Variants in BTBD10 observed in about 807,000 individuals in gnomAD.
BTBD10 encodes BTB/POZ domain-containing protein 10.
A neutral mutation model predicts 53.2 loss-of-function variants in BTBD10; 21 were observed. The observed-to-expected ratio is 0.39, with a 90% CI of 0.28 to 0.57. The LOEUF is 0.57. Ranked by LOEUF, BTBD10 falls within the 20% of genes least tolerant of loss-of-function variation. The probability of loss-of-function intolerance (pLI) is 0.53; values close to 1 mark genes in which losing one functional copy is unlikely to be tolerated. For missense variants in BTBD10, 360 were observed against 594.7 expected (o/e 0.61, Z 4.10); for synonymous variants, 149 against 192.7 (o/e 0.77, Z 1.88).
chr11:13,419,556 A>T lies in BTBD10; in HGVS notation c.488T>A (p.Ile163Lys), dbSNP rs200018848. 13 of 1,614,114 alleles carry T rather than the reference A, an allele frequency of 8.1e-6. No individual in the cohort carries two copies. The highest frequency in any genetic ancestry group is 2.2e-5 in the East Asian group (1 of 44,876). ...YENAKEGARN[I>K]RTSERVTLIV... ...TAGTGTCACTCGTTCTGACGTTCTT[A>T]TATTCCGAGCTCCTTCTTTTGCATT... Residue 163 changes from isoleucine to lysine, a missense_variant, in exon 4 of 9, where the codon ATA (isoleucine) becomes AAA (lysine). Physicochemically the swap from Ile to Lys is moderately radical, Grantham distance 102. Around this residue, in one of 6 missense-constraint regions of BTBD10, gnomAD observed 109 missense variants for 118.6 expected, o/e 0.92. Coordinates refer to ENST00000278174, the MANE Select transcript of BTBD10 (RefSeq NM_032320.7).
At chr11:13,453,332 C>T (rs1281219688) in intron 1 of BTBD10, among the ~76,000 whole-genome samples, 1 of 152,046 alleles carries the variant, frequency 6.6e-6, no homozygotes, top group African/African-American at 2.4e-5. Context: ...CACACACACT[C>T]ATCCATGCTT....
rs78079260 is a variant in BTBD10 at position 13,439,686 on chromosome 11, G to A, written c.101+5338C>T. On this transcript the variant is annotated intron_variant, in intron 2 of 8. Transcript: ENST00000278174. ...ATAAAACACAAAGCATCAAACCCAC[G>A]AAAACAATAAAAACATATTTCATTT... Among the ~76,000 whole-genome samples the A allele has an allele frequency of 5.3e-3, 801 of 151,974 alleles. 27 individuals are homozygous for A. The East Asian group carries it at 0.081, about 15-fold the overall frequency.
At chr11:13,430,071 T>C (rs1449191422) in intron 2 of BTBD10, among the ~76,000 whole-genome samples, 1 of 152,158 alleles carries the variant, frequency 6.6e-6, no homozygotes, top group East Asian at 1.9e-4. Context: ...ATCATGCTAC[T>C]GCACTCTAGC....
At chr11:13,390,922 T>G (rs538954580) in intron 8 of BTBD10, among the ~76,000 whole-genome samples, 1 of 152,326 alleles carries the variant, frequency 6.6e-6, no homozygotes, top group East Asian at 1.9e-4. Flanking sequence ...TTTCATACTT[T>G]TGGTCAATTA....
In BTBD10 at chr11:13,418,184, C is replaced by CAA. The variant is rs58520382; in HGVS notation, c.585-926_585-925dup. 3.4e-4 allele frequency among the ~76,000 whole-genome samples: 51 copies of CAA among 150,344 alleles called. No individual in the cohort carries two copies. In the South Asian group the frequency reaches 4.4e-3, roughly 13 times the overall value. ...ACAAAGCTTTTTCTTTCAAAGTTTC[C>CAA]AAAAAAAAATGCCAGCTGCTTTTTA... On this transcript the variant is annotated intron_variant, in intron 4 of 8. Transcript: ENST00000278174.
intron 1 of BTBD10, 168 bp downstream of exon 1, chr11:13,462,924 C>T (rs1173722523): frequency 6.6e-6 from 1 of 152,410 alleles, no homozygotes. Flanking sequence ...GTGGCCGGAG[C>T]CCAAAACGCC....
At chr11:13,406,038 TCC>T (rs969797843) in intron 6 of BTBD10, among the ~76,000 whole-genome samples, 182 bp from the exon 7 acceptor site, 2 of 152,126 alleles carry the variant, frequency 1.3e-5, no homozygotes, top group African/African-American at 2.4e-5. Context: ...TAAAACCCTA[TCC>T]CTAGCCTAGC....
At chr11:13,394,588 C>A (rs1361252719) in intron 8 of BTBD10, among the ~76,000 whole-genome samples, 2 of 152,094 alleles carry the variant, frequency 1.3e-5, no homozygotes, top group South Asian at 2.1e-4. Context: ...GGTACACGTG[C>A]ACAACGTGCA....
intron 2 of BTBD10, among the ~76,000 whole-genome samples, chr11:13,442,029 A>G (rs1950662350): frequency 6.6e-6 from 1 of 152,132 alleles, no homozygotes; most frequent in South Asian, 2.1e-4. Flanking sequence ...CTGGAACTAC[A>G]ATATCCACCT....
chr11:13,454,310 T>G (rs1950921139), intron 1 of BTBD10, among the ~76,000 whole-genome samples: 1 of 152,166 alleles, frequency 6.6e-6, no homozygotes, highest in South Asian at 2.1e-4. Flanking sequence ...CATATCAAGA[T>G]AGTGGGGATA....
chr11:13,395,892 G>A (rs555259530), intron 8 of BTBD10, among the ~76,000 whole-genome samples: 2 of 152,082 alleles, frequency 1.3e-5, no homozygotes, highest in Admixed American at 6.6e-5. Flanking sequence ...TGTTCCATTG[G>A]TCTGTATCTC....
intron 2 of BTBD10, among the ~76,000 whole-genome samples, chr11:13,426,164 A>G (rs1316050101): frequency 6.6e-6 from 1 of 152,182 alleles, no homozygotes; most frequent in African/African-American, 2.4e-5. Context: ...AATATGCACA[A>G]CAAACTCTAC....
chr11:13,436,714 A>C lies in BTBD10; in HGVS notation c.101+8310T>G, dbSNP rs1003621145. ...ATGTCTAATTACTTTTCAAAGGAAA[A>C]GTCTTAAAATATCTGAAGATAGCTC... On this transcript the variant is annotated intron_variant, in intron 2 of 8. Coordinates refer to ENST00000278174, the MANE Select transcript of BTBD10 (RefSeq NM_032320.7). Among the ~76,000 whole-genome samples the C allele has an allele frequency of 3.9e-5, 6 of 152,220 alleles. No individual in the cohort carries two copies. The East Asian group carries it at 7.7e-4, about 20-fold the overall frequency.
chr11:13,398,593 A>G (rs1949623771), intron 8 of BTBD10, among the ~76,000 whole-genome samples: 1 of 152,190 alleles, frequency 6.6e-6, no homozygotes, highest in Non-Finnish European at 1.5e-5. Context: ...TTATGATGTT[A>G]GCTGGTTATT....
At position 13,388,802 on chromosome 11, in the gene BTBD10, G is replaced by C; in HGVS notation, c.*29C>G. The C allele has an allele frequency of 6.3e-7, 1 of 1,587,428 alleles. No homozygotes were observed. Among genetic ancestry groups the C allele is most frequent in the Non-Finnish European group, 8.6e-7 (1 of 1,164,796 alleles). On this transcript the variant is annotated 3_prime_UTR_variant, in exon 9 of 9. Coordinates refer to ENST00000278174, the MANE Select transcript of BTBD10 (RefSeq NM_032320.7). ...GAGTACAACGTCACTGTGAAGAGTA[G>C]CATGCTATGGTTTCAAGGAAGATCA...
Position 13,421,700 on chromosome 11 carries a change from C to G in BTBD10, c.240G>C (p.Glu80Asp), listed in dbSNP as rs1950245140. The G allele has an allele frequency of 6.2e-7, 1 of 1,614,108 alleles. No homozygotes were observed. The highest frequency in any genetic ancestry group is 2.2e-5 in the East Asian group (1 of 44,860). Reference protein sequence around the residue: ...RSRDSSHERTESQLTPCIRNV... With the variant: ...RSRDSSHERTDSQLTPCIRNV... ...TTCTAATACAAGGAGTGAGCTGAGACTCCGTTCTTTCATGAGATGAATCTC... is the reference window on the plus strand; with the variant it reads ...TTCTAATACAAGGAGTGAGCTGAGAGTCCGTTCTTTCATGAGATGAATCTC... The change falls in exon 3 of 9, where the codon GAG (glutamate) becomes GAC (aspartate). Residue 80 changes from glutamate to aspartate, a missense_variant. Physicochemically the swap from Glu to Asp is conservative, Grantham distance 45. Transcript: ENST00000278174.
Position 13,418,223 on chromosome 11 carries a change from T to C in BTBD10, c.585-963A>G, listed in dbSNP as rs117836279. Among the ~76,000 whole-genome samples the C allele has an allele frequency of 7.2e-3, 1,092 of 152,026 alleles. 7 individuals are homozygous for C. The highest frequency in any genetic ancestry group is 8.7e-3 in the Non-Finnish European group (594 of 67,920). ...AGCTGCTTTTTACAGTTCCCATGAA[T>C]ATTAATTTTCATCCCCAAAGACACA... On this transcript the variant is annotated intron_variant, in intron 4 of 8. Transcript: ENST00000278174.
chr11:13,427,329 G>A (rs933291569), intron 2 of BTBD10, among the ~76,000 whole-genome samples: 3 of 152,146 alleles, frequency 2.0e-5, no homozygotes, highest in Non-Finnish European at 4.4e-5. Context: ...TTCAAAGAAA[G>A]CAAGAGTGGC....
chr11:13,422,092 A>T (rs369780601), intron 2 of BTBD10, among the ~76,000 whole-genome samples: 1 of 152,226 alleles, frequency 6.6e-6, no homozygotes, highest in Admixed American at 6.5e-5. Flanking sequence ...GTTAACTAAC[A>T]TATGAGTTAG....
Sources: allele counts gnomAD v4.1 joint callset (sites outside exome capture counted in the v4.1 genomes callset), GRCh38; gene constraint gnomAD v4.1.1; regional missense constraint gnomAD v4.1.1; transcripts MANE v1.5; gene names NCBI Gene and HGNC (gene_info 2026-07-23, HGNC 2026-07-21).